The following EPAS1 variants were observed in gnomAD, a reference collection of about 807,000 sequenced individuals.
EPAS1 encodes endothelial PAS domain protein 1.
EPAS1 carries 23 observed loss-of-function variants against 87.9 expected under a neutral mutation model. That is an observed-to-expected ratio of 0.26 (90% CI 0.19 to 0.37). The LOEUF is 0.37. Ranked by LOEUF, EPAS1 falls within the 10% of genes least tolerant of loss-of-function variation. The probability of loss-of-function intolerance (pLI) is 1.00; values close to 1 mark genes in which losing one functional copy is unlikely to be tolerated. For synonymous variants in EPAS1, 508 were observed against 444.3 expected (o/e 1.14, Z -1.80); for missense variants, 1,138 against 1,120.7 (o/e 1.02, Z -0.22).
Position 46,375,158 on chromosome 2 carries a change from G to C in EPAS1, c.887-532G>C, listed in dbSNP as rs1009949024. 7.1e-6 allele frequency among the ~76,000 whole-genome samples: 1 copy of C among 139,966 alleles called. No individual in the cohort carries two copies. Among genetic ancestry groups the C allele is most frequent in the African/African-American group, 2.6e-5 (1 of 38,992 alleles). The allele number at this position is 139,966 out of a possible 152,430, so 91.8% of individuals were successfully genotyped here. A position where few individuals can be genotyped will look rare whatever the true frequency, so the allele number is the denominator to read the frequency against. Reference sequence around the variant, plus strand: ...TTAAATGCTTTTATTCATAAGCAGGGTATTGGTGGTGGGTCTGCTGAAAAA... The same window carrying C: ...TTAAATGCTTTTATTCATAAGCAGGCTATTGGTGGTGGGTCTGCTGAAAAA... On this transcript the variant is annotated intron_variant, in intron 7 of 15. Transcript: ENST00000263734. The surrounding 1 kb of genome is among the most constrained non-coding windows in gnomAD (Gnocchi z 4.1).
chr2:46,305,960 C>T (rs1045277009), intron 1 of EPAS1, among the ~76,000 whole-genome samples: 2 of 152,122 alleles, frequency 1.3e-5, no homozygotes, highest in African/African-American at 2.4e-5. Flanking sequence ...AATTCTGTAA[C>T]GGGTTGAGTG....
chr2:46,359,260 A>T (rs946294714), intron 4 of EPAS1, among the ~76,000 whole-genome samples: 24 of 144,378 alleles, frequency 1.7e-4, no homozygotes, highest in Non-Finnish European at 3.5e-4. Flanking sequence ...TCTGTCTCAA[A>T]AAAAAAAAAA....
In EPAS1 at chr2:46,346,904, C is replaced by G. The variant is rs1394833849; in HGVS notation, c.58C>G (p.Arg20Gly). The change falls in exon 2 of 16, where the codon CGG becomes GGG. Residue 20 changes from arginine to glycine, a missense_variant. By Grantham distance (125) the Arg-to-Gly change is moderately radical. Around this residue, in one of 4 missense-constraint regions of EPAS1, gnomAD observed 351 missense variants for 417.1 expected, o/e 0.84. Coordinates refer to ENST00000263734, the MANE Select transcript of EPAS1 (RefSeq NM_001430.5). This position sits in a 1 kb window ranked among gnomAD's most constrained non-coding sequence, Gnocchi z 4.0. The stretch of plus-strand genomic sequence containing the variant: ...CTCGGAGAGGAGGAAGGAGAAGTCC[C>G]GGGATGCTGCGCGGTGCCGGCGGAG... ...SSSERRKEKS[R>G]DAARCRRSKE... 6.2e-7 allele frequency: 1 copy of G among 1,614,054 alleles called. No individual in the cohort carries two copies. Among genetic ancestry groups the G allele is most frequent in the African/African-American group, 1.3e-5 (1 of 74,912 alleles).
intron 1 of EPAS1, among the ~76,000 whole-genome samples, chr2:46,308,724 C>G (rs1683156715): frequency 6.6e-6 from 1 of 152,150 alleles, no homozygotes. Context: ...TGCTTCACTT[C>G]AAGAATGCCT....
intron 1 of EPAS1, among the ~76,000 whole-genome samples, chr2:46,299,028 C>T (rs1175653505): frequency 6.6e-6 from 1 of 152,356 alleles, no homozygotes; most frequent in East Asian, 1.9e-4. Context: ...CCGCCTGAGC[C>T]GCGGGAAACC....
intron 2 of EPAS1, among the ~76,000 whole-genome samples, chr2:46,348,827 C>G (rs1316301650): frequency 6.6e-6 from 1 of 152,122 alleles, no homozygotes; most frequent in Non-Finnish European, 1.5e-5. Flanking sequence ...TGAGCATTTC[C>G]TTTGAATGTT....
rs1684978449 is a variant in EPAS1 at position 46,384,873 on chromosome 2, G to A, written c.*213G>A. ...TTTAAAGTACACAATTGTTTTACCT[G>A]TTCTGAAATGTTCTTAAATTTTGTA... On this transcript the variant is annotated 3_prime_UTR_variant, in exon 16 of 16. Transcript: ENST00000263734. 1 of 609,790 alleles carries A rather than the reference G, an allele frequency of 1.6e-6. No individual in the cohort carries two copies. The highest frequency in any genetic ancestry group is 2.8e-6 in the Non-Finnish European group (1 of 352,982). The allele number at this position is 609,790 out of a possible 1,614,324, so 37.8% of individuals were successfully genotyped here.
At chr2:46,368,868 G>C (rs1265021005) in intron 6 of EPAS1, among the ~76,000 whole-genome samples, 1 of 152,208 alleles carries the variant, frequency 6.6e-6, no homozygotes, top group East Asian at 1.9e-4. Flanking sequence ...TATAGCCTAG[G>C]ATAGGACATG....
chr2:46,368,772 T>C (rs1684558442), intron 6 of EPAS1, among the ~76,000 whole-genome samples: 1 of 152,218 alleles, frequency 6.6e-6, no homozygotes. Context: ...TTCTAACTTG[T>C]GATAGGCCAA....
chr2:46,297,986 G>A (rs1682919500), intron 1 of EPAS1, 49 bp downstream of exon 1: 12 of 1,601,166 alleles, frequency 7.5e-6, no homozygotes, highest in Non-Finnish European at 1.0e-5. Flanking sequence ...GGCCAGGGCC[G>A]GGCTGCGCGG....
At chr2:46,301,064 T>C (rs1303510551) in intron 1 of EPAS1, among the ~76,000 whole-genome samples, 2 of 152,252 alleles carry the variant, frequency 1.3e-5, no homozygotes, top group Non-Finnish European at 2.9e-5. Flanking sequence ...TGTAACACAT[T>C]GTTGGCTTGA....
chr2:46,316,256 A>G (rs1558584808), intron 1 of EPAS1, among the ~76,000 whole-genome samples: 3 of 150,576 alleles, frequency 2.0e-5, no homozygotes, highest in African/African-American at 7.4e-5. Context: ...CAATGTACAT[A>G]CCCTTTTTTT....
chr2:46,342,942 C>T (rs1179168464), intron 1 of EPAS1, among the ~76,000 whole-genome samples: 3 of 152,036 alleles, frequency 2.0e-5, no homozygotes, highest in Non-Finnish European at 4.4e-5. Context: ...GAGTTTCCAC[C>T]TCGGGGAGAG....
chr2:46,384,842 C>A lies in EPAS1; in HGVS notation c.*182C>A. The A allele has an allele frequency of 1.4e-6, 1 of 705,868 alleles. No individual in the cohort carries two copies. The allele number at this position is 705,868 out of a possible 1,614,324, so 43.7% of individuals were successfully genotyped here. On this transcript the variant is annotated 3_prime_UTR_variant, in exon 16 of 16. Transcript: ENST00000263734. ...TTTCTGAGATGCTCACTTTATTATC[C>A]CTATTTTTAAAGTACACAATTGTTT...
At chr2:46,340,671 T>C (rs1018238613) in intron 1 of EPAS1, among the ~76,000 whole-genome samples, 4 of 152,202 alleles carry the variant, frequency 2.6e-5, no homozygotes, top group African/African-American at 9.7e-5. Flanking sequence ...GTCTGTCTGA[T>C]CTGGCCAGCT....
rs368834361 is a variant in EPAS1, at chr2:46,348,887, G to A, written c.217+1824G>A. 5.9e-5 allele frequency among the ~76,000 whole-genome samples: 9 copies of A among 152,212 alleles called. No individual in the cohort carries two copies. In the East Asian group the frequency reaches 1.3e-3, roughly 23 times the overall value. Reference sequence around the variant, plus strand: ...ATTTCAGGTTTTCAGATTAGGGACAGTCAACCTGTATATTAATTGTAGAAT... The same window carrying A: ...ATTTCAGGTTTTCAGATTAGGGACAATCAACCTGTATATTAATTGTAGAAT... On this transcript the variant is annotated intron_variant, in intron 2 of 15. Transcript: ENST00000263734.
intron 1 of EPAS1, among the ~76,000 whole-genome samples, chr2:46,310,244 C>A (rs1683184870): frequency 6.6e-6 from 1 of 152,160 alleles, no homozygotes; most frequent in Non-Finnish European, 1.5e-5. Flanking sequence ...TGATAAGGTT[C>A]TCTTTCTGAT....
In EPAS1 at chr2:46,347,110, A is replaced by T; in HGVS notation, c.217+47A>T. ...AGGCTGGGCAGATGCCAGCCTTACC[A>T]GCATGTTCCTATATGCAGGGGACCC... is the stretch of plus-strand genomic sequence containing the variant. On this transcript the variant is annotated intron_variant, in intron 2 of 15. Transcript: ENST00000263734. This position sits in a 1 kb window ranked among gnomAD's most constrained non-coding sequence, Gnocchi z 4.2. 3 of 1,606,942 alleles carry T rather than the reference A, an allele frequency of 1.9e-6. No individual in the cohort carries two copies. In the South Asian group the frequency reaches 3.3e-5, roughly 18 times the overall value.
In EPAS1 at chr2:46,356,767, G is replaced by T; in HGVS notation, c.413G>T (p.Cys138Phe). The change falls in exon 4 of 16, where the codon TGC (cysteine) becomes TTC (phenylalanine). Residue 138 changes from cysteine to phenylalanine, a missense_variant. Cys to Phe is a radical substitution (Grantham distance 205). Around this residue, in one of 4 missense-constraint regions of EPAS1, gnomAD observed 351 missense variants for 417.1 expected, o/e 0.84. Transcript: ENST00000263734. Reference protein sequence around the residue: ...GHSIFDFTHPCDHEEIRENLS... With the variant: ...GHSIFDFTHPFDHEEIRENLS... ...AGTATCTTTGACTTCACTCATCCCT[G>T]CGACCATGAGGAGATTCGTGAGAAC... 6.2e-7 allele frequency: 1 copy of T among 1,614,080 alleles called. No homozygotes were observed. The highest frequency in any genetic ancestry group is 8.5e-7 in the Non-Finnish European group (1 of 1,179,942).
Sources: gnomAD v4.1 joint callset for allele counts (sites outside exome capture counted in the v4.1 genomes callset) on GRCh38, gnomAD v4.1.1 for gene constraint, gnomAD v4.1.1 regional missense constraint, Gnocchi (gnomAD v3.1) non-coding constraint, MANE v1.5 for transcripts, NCBI Gene and HGNC (gene_info 2026-07-23, HGNC 2026-07-21) for gene names.